The following MAN1C1 variants were observed in gnomAD, a reference collection of about 807,000 sequenced individuals.
MAN1C1 encodes the protein mannosyl-oligosaccharide 1,2-alpha-mannosidase IC.
In MAN1C1, 49 loss-of-function variants were observed where a neutral mutation model predicts 71.5. The ratio of observed to expected loss-of-function variants is 0.69; its 90% CI spans 0.54 to 0.87. The LOEUF is 0.87. Among genes scored for constraint, MAN1C1 ranks in the 40% least tolerant of loss-of-function variants. The pLI is 0.00. For missense variants in MAN1C1, 743 were observed against 835.0 expected (o/e 0.89, Z 1.36); for synonymous variants, 352 against 343.7 (o/e 1.02, Z -0.27).
chr1:25,780,616 A>C, intron 9 of MAN1C1: 1 of 221,482 alleles, frequency 4.5e-6, no homozygotes. Flanking sequence ...TTGCAGAGCT[A>C]TTGCCTCAAA....
chr1:25,766,422 A>G (rs562326313), intron 7 of MAN1C1, among the ~76,000 whole-genome samples: 2 of 152,020 alleles, frequency 1.3e-5, no homozygotes, highest in Admixed American at 1.3e-4. Flanking sequence ...AAGTGCACGC[A>G]CATCATTTTC....
Position 25,783,959 on chromosome 1 carries a change from C to A in MAN1C1, c.*170C>A. 3 of 867,824 alleles carry A rather than the reference C, an allele frequency of 3.5e-6. No individual in the cohort carries two copies. Among genetic ancestry groups the A allele is most frequent in the Non-Finnish European group, 5.1e-6 (3 of 583,448 alleles). The allele number at this position is 867,824 out of a possible 1,614,324, so 53.8% of individuals were successfully genotyped here. ...TCTGTGAGGAGACAAGACTTGGAGACTCAGCGATGTCAGGCCAGGGCCATG... is the reference window on the plus strand; with the variant it reads ...TCTGTGAGGAGACAAGACTTGGAGAATCAGCGATGTCAGGCCAGGGCCATG... On this transcript the variant is annotated 3_prime_UTR_variant, in exon 12 of 12. Coordinates refer to ENST00000374332, the MANE Select transcript of MAN1C1 (RefSeq NM_020379.4).
intron 2 of MAN1C1, among the ~76,000 whole-genome samples, chr1:25,714,983 G>A (rs2046661384): frequency 6.6e-6 from 1 of 152,160 alleles, no homozygotes; most frequent in Non-Finnish European, 1.5e-5. Flanking sequence ...TTGATTGAAA[G>A]TCACTAGGAT....
At chr1:25,748,497 T>C (rs551668025) in intron 3 of MAN1C1, among the ~76,000 whole-genome samples, 1 of 152,266 alleles carries the variant, frequency 6.6e-6, no homozygotes, top group Non-Finnish European at 1.5e-5. Flanking sequence ...GTGTCCTGTG[T>C]TCACCCTGCA....
At chr1:25,662,291 T>C (rs577323489) in intron 1 of MAN1C1, among the ~76,000 whole-genome samples, 65 of 152,230 alleles carry the variant, frequency 4.3e-4, no homozygotes, top group Non-Finnish European at 8.5e-4. Flanking sequence ...AGGGAGATGG[T>C]GTGAGAAGCC....
intron 2 of MAN1C1, among the ~76,000 whole-genome samples, chr1:25,724,872 ATC>A (rs2046812750): frequency 6.6e-6 from 1 of 152,148 alleles, no homozygotes; most frequent in Admixed American, 6.5e-5. Flanking sequence ...ATCAGACATG[ATC>A]TCTCTGATAG....
intron 4 of MAN1C1, 104 bp downstream of exon 4, chr1:25,749,439 G>A (rs2047182770): frequency 9.4e-7 from 1 of 1,063,632 alleles, no homozygotes; most frequent in South Asian, 1.7e-5. Context: ...GGGACTTAAG[G>A]GGGCAGGGAT....
chr1:25,764,589 AT>A lies in MAN1C1; in HGVS notation c.1141+627del, dbSNP rs2047403962. 6.6e-6 allele frequency among the ~76,000 whole-genome samples: 1 copy of A among 151,654 alleles called. No individual in the cohort carries two copies. Among genetic ancestry groups the A allele is most frequent in the African/African-American group, 2.4e-5 (1 of 41,274 alleles). On this transcript the variant is annotated intron_variant, in intron 7 of 11. Coordinates refer to ENST00000374332, the MANE Select transcript of MAN1C1 (RefSeq NM_020379.4). This position sits in a 1 kb window ranked among gnomAD's most constrained non-coding sequence, Gnocchi z 4.4. ...CACCATGTCTGGCTACTTTTTTTGT[AT>A]TTTTAGTAGAGATGGGGTTTAGTAG...
intron 1 of MAN1C1, among the ~76,000 whole-genome samples, chr1:25,661,378 C>G (rs1346219152): frequency 6.6e-6 from 1 of 152,232 alleles, no homozygotes; most frequent in Non-Finnish European, 1.5e-5. Flanking sequence ...ACCCAAAATA[C>G]AAATTCTGTT....
At chr1:25,679,952 T>A (rs10902644) in intron 1 of MAN1C1, among the ~76,000 whole-genome samples, 55,530 of 94,910 alleles carry the variant, frequency 0.59, 15,762 homozygotes, top group Non-Finnish European at 0.71. Flanking sequence ...AAAAAAAAAA[T>A]ATATATATAT....
intron 2 of MAN1C1, among the ~76,000 whole-genome samples, chr1:25,714,586 TAAAA>T (rs11297296): frequency 1.3e-5 from 2 of 151,206 alleles, no homozygotes; most frequent in African/African-American, 4.9e-5. Flanking sequence ...AGAAAGCAGA[TAAAA>T]AAAAATGGGA....
chr1:25,668,174 C>T (rs897383455), intron 1 of MAN1C1, among the ~76,000 whole-genome samples: 8 of 152,084 alleles, frequency 5.3e-5, no homozygotes, highest in South Asian at 2.1e-4. Context: ...AAATGGGAAA[C>T]GAGGTGCATT....
intron 1 of MAN1C1, among the ~76,000 whole-genome samples, chr1:25,638,574 G>T (rs963857331): frequency 4.6e-5 from 4 of 87,888 alleles, no homozygotes; most frequent in Non-Finnish European, 1.0e-4. Flanking sequence ...GTGTAGATCT[G>T]CTGGTGACAA....
chr1:25,737,810 A>G (rs1212653553), intron 2 of MAN1C1, among the ~76,000 whole-genome samples: 1 of 152,082 alleles, frequency 6.6e-6, no homozygotes, highest in Non-Finnish European at 1.5e-5. Flanking sequence ...GTAGGTGTTT[A>G]CCGAGCCATC....
rs1240299947 is a variant in MAN1C1 at position 25,681,601 on chromosome 1, T to G, written c.541-4839T>G. On this transcript the variant is annotated intron_variant, in intron 1 of 11. Coordinates refer to ENST00000374332, the MANE Select transcript of MAN1C1 (RefSeq NM_020379.4). ...TGAGGACCCACCTCGCAAGCAGGCC[T>G]TTCTGAGGACAGACGTCTAAGACCT... 3.3e-5 allele frequency among the ~76,000 whole-genome samples: 5 copies of G among 152,222 alleles called. No homozygotes were observed. In the East Asian group the frequency reaches 9.6e-4, roughly 29 times the overall value.
At chr1:25,684,702 C>T (rs2046203570) in intron 1 of MAN1C1, among the ~76,000 whole-genome samples, 1 of 152,212 alleles carries the variant, frequency 6.6e-6, no homozygotes, top group African/African-American at 2.4e-5. Flanking sequence ...CTCCTAAGCG[C>T]GGGCACCAGG....
At chr1:25,729,362 C>T (rs1008131387) in intron 2 of MAN1C1, among the ~76,000 whole-genome samples, 2 of 152,184 alleles carry the variant, frequency 1.3e-5, no homozygotes, top group Non-Finnish European at 2.9e-5. Context: ...GTTAGCCACT[C>T]GGCCAGCATT....
chr1:25,752,183 T>C (rs2047225235), intron 4 of MAN1C1, among the ~76,000 whole-genome samples: 1 of 152,130 alleles, frequency 6.6e-6, no homozygotes, highest in African/African-American at 2.4e-5. Flanking sequence ...TCACAGTTTA[T>C]AAAGTACATT....
chr1:25,771,366 G>C (rs2047548523), intron 7 of MAN1C1, among the ~76,000 whole-genome samples: 5 of 152,232 alleles, frequency 3.3e-5, no homozygotes, highest in Non-Finnish European at 7.3e-5. Flanking sequence ...TTAATAACCA[G>C]AGGCCCTGCC....
Sources: gnomAD v4.1 joint callset for allele counts (sites outside exome capture counted in the v4.1 genomes callset) on GRCh38, gnomAD v4.1.1 for gene constraint, Gnocchi (gnomAD v3.1) non-coding constraint, MANE v1.5 for transcripts, NCBI Gene and HGNC (gene_info 2026-07-23, HGNC 2026-07-21) for gene names.